The following NXN variants were observed in gnomAD, a reference collection of about 807,000 sequenced individuals.
NXN encodes nucleoredoxin.
A neutral mutation model predicts 48.6 loss-of-function variants in NXN; 16 were observed. That is an observed-to-expected ratio of 0.33 (90% confidence interval 0.22 to 0.50). The LOEUF (loss-of-function observed/expected upper bound fraction) is 0.50. NXN is among the 20% of genes least tolerant of loss of function. The probability of loss-of-function intolerance (pLI) is 0.98; values close to 1 mark genes in which losing one functional copy is unlikely to be tolerated. For missense variants in NXN, 492 were observed against 605.5 expected, an observed-to-expected ratio of 0.81 and a Z score of 1.97; for synonymous variants, 281 against 269.6, an observed-to-expected ratio of 1.04 and a Z score of -0.41.
intron 1 of NXN, 97 bp downstream of exon 1, chr17:979,222 C>T: frequency 2.1e-6 from 1 of 468,644 alleles, no homozygotes; most frequent in South Asian, 4.4e-5. Flanking sequence ...AGGGGGACAA[C>T]GGGGTTGGCG....
chr17:842,554 G>C (rs575218670), intron 1 of NXN: 11 of 985,282 alleles, frequency 1.1e-5, no homozygotes, highest in Non-Finnish European at 1.3e-5. Context: ...AGGCACCTAC[G>C]GCACATCCCG....
At chr17:967,581 A>C (rs764727582) in intron 1 of NXN, among the ~76,000 whole-genome samples, 2 of 152,244 alleles carry the variant, frequency 1.3e-5, no homozygotes, top group African/African-American at 4.8e-5. Context: ...GACAGGACCA[A>C]GTTAAATGGA....
At chr17:922,004 G>A (rs938694668) in intron 1 of NXN, among the ~76,000 whole-genome samples, 10 of 152,290 alleles carry the variant, frequency 6.6e-5, no homozygotes, top group South Asian at 2.1e-4. Flanking sequence ...TGAAGACATC[G>A]CTGTCAACCC....
intron 3 of NXN, among the ~76,000 whole-genome samples, chr17:823,041 G>A (rs767098281): frequency 1.3e-5 from 2 of 151,696 alleles, no homozygotes; most frequent in Non-Finnish European, 2.9e-5. Flanking sequence ...CAGAGGGTGC[G>A]GTGAGTTGAG....
intron 1 of NXN, among the ~76,000 whole-genome samples, chr17:873,929 A>C (rs1252968432): frequency 1.3e-5 from 2 of 152,168 alleles, no homozygotes; most frequent in African/African-American, 2.4e-5. Flanking sequence ...TCAGCTGCTC[A>C]AGACAGAATC....
chr17:979,700 C>T lies in NXN; in HGVS notation c.-22G>A. The stretch of plus-strand genomic sequence containing the variant: ...ACATCCTGGCCCACCGCAGGGCGGG[C>T]AGGCGGCTGCGACCCCGCTCCACGG... On this transcript the variant is annotated 5_prime_UTR_variant, in exon 1 of 8. Transcript: ENST00000336868. 2.9e-6 allele frequency: 4 copies of T among 1,386,042 alleles called. No homozygotes were observed. The highest frequency in any genetic ancestry group is 3.7e-6 in the Non-Finnish European group (4 of 1,068,194). 85.9% of individuals were successfully genotyped at this position (1,386,042 alleles called of 1,614,324 possible). A position where few individuals can be genotyped will look rare whatever the true frequency, so the allele number is the denominator to read the frequency against.
intron 1 of NXN, among the ~76,000 whole-genome samples, chr17:910,417 A>T (rs1002480450): frequency 6.6e-6 from 1 of 152,150 alleles, no homozygotes; most frequent in African/African-American, 2.4e-5. Flanking sequence ...ATTAAAAAAA[A>T]AAAAAAAAGT....
chr17:835,149 A>T (rs1041210730), intron 1 of NXN, among the ~76,000 whole-genome samples: 1 of 151,678 alleles, frequency 6.6e-6, no homozygotes, highest in South Asian at 2.1e-4. Context: ...TCTACTAAAA[A>T]TACAAAAAAT....
At chr17:937,108 G>A (rs2068916213) in intron 1 of NXN, among the ~76,000 whole-genome samples, 1 of 151,976 alleles carries the variant, frequency 6.6e-6, no homozygotes, top group Non-Finnish European at 1.5e-5. Context: ...TCGGTGTCCT[G>A]AGTGGCTGGG....
At chr17:871,004 GC>G (rs2068146687) in intron 1 of NXN, among the ~76,000 whole-genome samples, 1 of 151,284 alleles carries the variant, frequency 6.6e-6, no homozygotes, top group South Asian at 2.1e-4. Flanking sequence ...GACTACAGGC[GC>G]CCGCCATCAC....
At chr17:820,831 G>C (rs1431473585) in intron 4 of NXN, among the ~76,000 whole-genome samples, 1 of 71,320 alleles carries the variant, frequency 1.4e-5, no homozygotes, top group Non-Finnish European at 2.5e-5. Context: ...GGCTGAGGTG[G>C]GAGGATCACT....
intron 5 of NXN, among the ~76,000 whole-genome samples, chr17:811,984 G>T (rs1912055338): frequency 7.0e-6 from 1 of 143,226 alleles, no homozygotes; most frequent in Admixed American, 7.3e-5. Context: ...CTGGAGTGCA[G>T]TGGCAAGATC....
chr17:849,605 C>T lies in NXN; in HGVS notation c.361-23527G>A, dbSNP rs1042701584. Among the ~76,000 whole-genome samples, 7 of 152,180 alleles carry T rather than the reference C, an allele frequency of 4.6e-5. No individual in the cohort carries two copies. The highest frequency in any genetic ancestry group is 8.8e-5 in the Non-Finnish European group (6 of 68,028). On this transcript the variant is annotated intron_variant, in intron 1 of 7. Transcript: ENST00000336868. The surrounding 1 kb of genome is among the most constrained non-coding windows in gnomAD (Gnocchi z 4.2). Reference sequence around the variant, plus strand: ...CACTGGCCCTCTCAGCCTCAGGGGCCGCTGGACTCCCTCTTCCCTCCCTCC... The same window carrying T: ...CACTGGCCCTCTCAGCCTCAGGGGCTGCTGGACTCCCTCTTCCCTCCCTCC...
In NXN at chr17:800,208, T is replaced by A. The variant is rs1390365055; in HGVS notation, c.*741A>T. On this transcript the variant is annotated 3_prime_UTR_variant, in exon 8 of 8. Coordinates refer to ENST00000336868, the MANE Select transcript of NXN (RefSeq NM_022463.5). The stretch of plus-strand genomic sequence containing the variant: ...CAGGGGCCTTGGGCACAGAGCTGGG[T>A]GGAGCGAGAGGTCCGTGCTGGTGCA... 3 of 152,348 alleles carry A rather than the reference T, an allele frequency of 2.0e-5. No homozygotes were observed. Among genetic ancestry groups the A allele is most frequent in the Admixed American group, 6.5e-5 (1 of 15,292 alleles). The allele number at this position is 152,348 out of a possible 1,614,324, so 9.4% of individuals were successfully genotyped here.
At chr17:835,213 C>T (rs1416870184) in intron 1 of NXN, among the ~76,000 whole-genome samples, 1 of 150,390 alleles carries the variant, frequency 6.6e-6, no homozygotes, top group Non-Finnish European at 1.5e-5. Flanking sequence ...GAGGCTGAGG[C>T]AGGAGAATGG....
intron 1 of NXN, among the ~76,000 whole-genome samples, chr17:895,596 G>A (rs2955624): frequency 0.95 from 142,038 of 149,250 alleles, 67,757 homozygotes; most frequent in African/African-American, 0.99. Flanking sequence ...GCGGATCACA[G>A]GGTCAGGAGA....
chr17:802,473 T>C (rs493175), intron 7 of NXN, among the ~76,000 whole-genome samples: 82,108 of 152,098 alleles, frequency 0.54, 22,900 homozygotes, highest in East Asian at 0.79. Flanking sequence ...TATGCGGCTC[T>C]GTGCCTGGCG....
At chr17:972,409 G>A (rs529820981) in intron 1 of NXN, among the ~76,000 whole-genome samples, 486 of 152,004 alleles carry the variant, frequency 3.2e-3, no homozygotes, top group African/African-American at 8.7e-3. Flanking sequence ...CCCAGGAGGC[G>A]GAGGTTGCAG....
chr17:907,465 T>G (rs1010333742), intron 1 of NXN, among the ~76,000 whole-genome samples: 3 of 151,798 alleles, frequency 2.0e-5, no homozygotes, highest in Admixed American at 1.3e-4. Flanking sequence ...TCAGCCTCCC[T>G]AGTAGCTGGG....
Sources: gnomAD v4.1 joint callset for allele counts (sites outside exome capture counted in the v4.1 genomes callset) on GRCh38, gnomAD v4.1.1 for gene constraint, Gnocchi (gnomAD v3.1) non-coding constraint, MANE v1.5 for transcripts, NCBI Gene and HGNC (gene_info 2026-07-23, HGNC 2026-07-21) for gene names.